Variants in SELP observed in about 807,000 individuals in gnomAD.
SELP encodes selectin P, also known as P-selectin.
Under a neutral mutation model 104.1 loss-of-function variants are expected in SELP, and 92 were observed. The ratio of observed to expected loss-of-function variants is 0.88; its 90% CI spans 0.75 to 1.05. The LOEUF is 1.05. SELP is among the 50% of genes least tolerant of loss of function. SELP has a pLI of 0.00. For missense variants in SELP, 1,022 were observed against 1,017.3 expected, an observed-to-expected ratio of 1.00 and a Z score of -0.06; for synonymous variants, 397 against 364.5, an observed-to-expected ratio of 1.09 and a Z score of -1.01.
chr1:169,599,818 C>T (rs574344649), intron 10 of SELP, among the ~76,000 whole-genome samples: 4 of 152,204 alleles, frequency 2.6e-5, no homozygotes, highest in South Asian at 4.2e-4. Context: ...TATTTTAGGA[C>T]GTGAGTAAGC....
intron 10 of SELP, among the ~76,000 whole-genome samples, chr1:169,599,630 A>G (rs1418875312): frequency 6.6e-6 from 1 of 152,192 alleles, no homozygotes; most frequent in Admixed American, 6.5e-5. Context: ...AGTTTTCTCA[A>G]TAATTTTCTG....
At chr1:169,600,051 A>G (rs886971761) in intron 10 of SELP, among the ~76,000 whole-genome samples, 3 of 152,198 alleles carry the variant, frequency 2.0e-5, no homozygotes, top group African/African-American at 7.2e-5. Context: ...CAAGCACTCC[A>G]TCATGCAGGT....
intron 3 of SELP, among the ~76,000 whole-genome samples, chr1:169,615,709 A>G (rs1469797396): frequency 6.6e-6 from 1 of 152,196 alleles, no homozygotes; most frequent in East Asian, 1.9e-4. Flanking sequence ...ATTTATTTAT[A>G]TATAAATGCA....
Position 169,607,084 on chromosome 1 carries a change from A to C in SELP, c.1384T>G (p.Ser462Ala). ...TACCTAAAGGCACCGAAGGGGTGGGAGCAGTTCACCCGGGCCTCATTTGGA... is the reference window on the plus strand; with the variant it reads ...TACCTAAAGGCACCGAAGGGGTGGGCGCAGTTCACCCGGGCCTCATTTGGA... ...PVPNEARVNCSHPFGAFRYQS... is the reference protein window; with the variant it reads ...PVPNEARVNCAHPFGAFRYQS... Residue 462 changes from serine (S) to alanine (A), a missense_variant, in exon 9 of 17, where the codon TCC becomes GCC. Ser to Ala is a moderately conservative substitution (Grantham distance 99, BLOSUM62 1). Coordinates refer to ENST00000263686, the MANE Select transcript of SELP (RefSeq NM_003005.4). 1 of 1,611,540 alleles carries C rather than the reference A, an allele frequency of 6.2e-7. No individual in the cohort carries two copies. Among genetic ancestry groups the C allele is most frequent in the Non-Finnish European group, 8.5e-7 (1 of 1,177,902 alleles).
intron 11 of SELP, 48 bp from the exon 12 acceptor site, chr1:169,596,182 G>C (rs751341812): frequency 1.3e-6 from 2 of 1,556,730 alleles, no homozygotes; most frequent in African/African-American, 2.7e-5. Flanking sequence ...ATTAAAAGAA[G>C]CGTTAACAGA....
At chr1:169,603,468 T>G (rs75976330) in intron 9 of SELP, among the ~76,000 whole-genome samples, 2 of 152,138 alleles carry the variant, frequency 1.3e-5, no homozygotes, top group African/African-American at 4.8e-5. Flanking sequence ...ATTGACATCC[T>G]GAAGTGCTCA....
intron 14 of SELP, 83 bp downstream of exon 14, chr1:169,593,522 T>A: frequency 8.0e-7 from 1 of 1,251,992 alleles, no homozygotes; most frequent in Admixed American, 2.2e-5. Context: ...TTGTGGTTTT[T>A]GCCTCCCCAC....
chr1:169,588,982 G>A lies in SELP; in HGVS notation c.*481C>T, dbSNP rs1295774456. The A allele has an allele frequency of 6.6e-6, 1 of 152,100 alleles. No individual in the cohort carries two copies. The highest frequency in any genetic ancestry group is 1.5e-5 in the Non-Finnish European group (1 of 68,026). 9.4% of individuals were successfully genotyped at this position (152,100 alleles called of 1,614,324 possible). On this transcript the variant is annotated 3_prime_UTR_variant, in exon 17 of 17. Coordinates refer to ENST00000263686, the MANE Select transcript of SELP (RefSeq NM_003005.4). ...GATTCTTGGCCTTCTGCAGCCTCTG[G>A]TGCCATCCAGAGGACTCTCTGGAAG...
chr1:169,616,236 T>A (rs916095359), intron 3 of SELP, among the ~76,000 whole-genome samples: 5 of 152,230 alleles, frequency 3.3e-5, no homozygotes, highest in South Asian at 4.1e-4. Context: ...GATCTAAAGA[T>A]ATGTTGTTGT....
At chr1:169,598,673 A>T (rs1661748609) in intron 10 of SELP, among the ~76,000 whole-genome samples, 1 of 152,206 alleles carries the variant, frequency 6.6e-6, no homozygotes, top group South Asian at 2.1e-4. Flanking sequence ...ACTTTTTCAT[A>T]ATCTCCCAGA....
Position 169,612,015 on chromosome 1 carries a change from C to T in SELP, c.961+202G>A, listed in dbSNP as rs147626118. Among the ~76,000 whole-genome samples, 664 of 152,232 alleles carry T rather than the reference C, an allele frequency of 4.4e-3. 5 individuals carry two copies. Among genetic ancestry groups the T allele is most frequent in the African/African-American group, 0.015 (633 of 41,518 alleles). ...TATGAATGAGGCCATTCTGAAACTG[C>T]CTGCATTTGTGTTTGGGGAAAGAAA... On this transcript the variant is annotated intron_variant, in intron 6 of 16. Coordinates refer to ENST00000263686, the MANE Select transcript of SELP (RefSeq NM_003005.4).
intron 15 of SELP, among the ~76,000 whole-genome samples, chr1:169,590,720 C>T (rs1400534851): frequency 6.6e-6 from 1 of 152,120 alleles, no homozygotes. Flanking sequence ...GCCTCCTGCC[C>T]ACTCAATGTC....
chr1:169,611,777 A>C lies in SELP; in HGVS notation c.962-100T>G, dbSNP rs904973213. The stretch of plus-strand genomic sequence containing the variant: ...CCACCTCTGAAATGCAGGTGGAGCT[A>C]GCAAGATGTAAAGGTCAAGAGACCC... On this transcript the variant is annotated intron_variant, in intron 6 of 16. Coordinates refer to ENST00000263686, the MANE Select transcript of SELP (RefSeq NM_003005.4). 1.6e-5 allele frequency: 19 copies of C among 1,191,680 alleles called. No homozygotes were observed. In the African/African-American group the frequency reaches 2.8e-4, roughly 17 times the overall value. 73.8% of individuals were successfully genotyped at this position (1,191,680 alleles called of 1,614,324 possible). A position where few individuals can be genotyped will look rare whatever the true frequency, so the allele number is the denominator to read the frequency against.
At chr1:169,605,501 T>A (rs1215915691) in intron 9 of SELP, among the ~76,000 whole-genome samples, 1 of 151,426 alleles carries the variant, frequency 6.6e-6, no homozygotes, top group Non-Finnish European at 1.5e-5. Flanking sequence ...GGTGTGTGTG[T>A]GTGTATGTGA....
At chr1:169,591,482 G>C in intron 14 of SELP, 26 bp from the exon 15 acceptor site, 1 of 1,446,662 alleles carries the variant, frequency 6.9e-7, no homozygotes, top group Non-Finnish European at 9.4e-7. Flanking sequence ...AGACAAGAAT[G>C]AATGATTAAA....
Position 169,611,586 on chromosome 1 carries a change from T to A in SELP, c.1053A>T (p.Lys351Asn), listed in dbSNP as rs1248342219. The change falls in exon 7 of 17, where the codon AAA becomes AAT. Residue 351 changes from lysine to asparagine, a missense_variant. By Grantham distance (94) the Lys-to-Asn change is moderately conservative. Transcript: ENST00000263686. ...LTAFAYGSSC[K>N]FECQPGYRVR... ...CTCTGTAGCCGGGCTGGCACTCAAA[T>A]TTACAGCTGGAGCCATAGGCAAAAG... The A allele has an allele frequency of 3.7e-6, 6 of 1,614,068 alleles. No individual in the cohort carries two copies. In the South Asian group the frequency reaches 6.6e-5, roughly 18 times the overall value.
At position 169,611,550 on chromosome 1, in the gene SELP, C is replaced by T. The variant is rs1662532593; in HGVS notation, c.1089G>A (p.Leu363=). Residue 363 remains leucine, a synonymous_variant, in exon 7 of 17, where the codon TTG becomes TTA. Transcript: ENST00000263686. ...ECQPGYRVRG[L]DMLRCIDSGH... Reference sequence around the variant, plus strand: ...CAGAGTCAATGCAGCGGAGCATGTCCAAGCCCCTCACTCTGTAGCCGGGCT... The same window carrying T: ...CAGAGTCAATGCAGCGGAGCATGTCTAAGCCCCTCACTCTGTAGCCGGGCT... The T allele has an allele frequency of 1.2e-6, 2 of 1,614,104 alleles. No individual in the cohort carries two copies. Among genetic ancestry groups the T allele is most frequent in the African/African-American group, 1.3e-5 (1 of 75,006 alleles).
intron 8 of SELP, among the ~76,000 whole-genome samples, chr1:169,607,545 G>T (rs1262394301): frequency 6.6e-6 from 1 of 152,054 alleles, no homozygotes; most frequent in East Asian, 1.9e-4. Flanking sequence ...AATGTTAAAG[G>T]TCACTAAAAA....
chr1:169,624,419 C>G (rs941714984), intron 1 of SELP, among the ~76,000 whole-genome samples: 3 of 152,120 alleles, frequency 2.0e-5, no homozygotes, highest in Non-Finnish European at 4.4e-5. Flanking sequence ...CCTGTGTAAG[C>G]CTTCATTAAG....
Sources: gnomAD v4.1 joint callset for allele counts (sites outside exome capture counted in the v4.1 genomes callset) on GRCh38, gnomAD v4.1.1 for gene constraint, MANE v1.5 for transcripts, NCBI Gene and HGNC (gene_info 2026-07-23, HGNC 2026-07-21) for gene names.